The following GMNC variants were observed in gnomAD, a reference collection of about 807,000 sequenced individuals.
GMNC encodes the protein geminin coiled-coil domain-containing protein 1.
Under a neutral mutation model 33.6 loss-of-function variants are expected in GMNC, and 16 were observed. That is an observed-to-expected ratio of 0.48 (90% CI 0.32 to 0.72). The LOEUF is 0.72. Ranked by LOEUF, GMNC falls within the 30% of genes least tolerant of loss-of-function variation. The pLI, the probability that GMNC is intolerant of heterozygous loss-of-function variation, is 0.03. For synonymous variants in GMNC, 156 were observed against 147.3 expected (o/e 1.06, Z -0.43); for missense variants, 393 against 388.9 (o/e 1.01, Z -0.09).
Position 190,857,854 on chromosome 3 carries a change from G to T in GMNC, c.313C>A (p.His105Asn). 6.4e-7 allele frequency: 1 copy of T among 1,551,130 alleles called. No homozygotes were observed. Among genetic ancestry groups the T allele is most frequent in the Non-Finnish European group, 8.7e-7 (1 of 1,146,438 alleles). The change falls in exon 4 of 5, where the codon CAC becomes AAC. Residue 105 changes from histidine (H) to asparagine (N), a missense_variant. His to Asn is a moderately conservative substitution (Grantham distance 68, BLOSUM62 1). Transcript: ENST00000442080. Reference sequence around the variant, plus strand: ...TGTCTGAGGTGATTATTCTCTTCGTGTAACCTGGCGAGTTCTTCTTCCTTC... The same window carrying T: ...TGTCTGAGGTGATTATTCTCTTCGTTTAACCTGGCGAGTTCTTCTTCCTTC... ...VQKEEELARL[H>N]EENNHLRQYL...
rs113157732 is a variant in GMNC, at chr3:190,861,161, A to T, written c.4-303T>A. 2.5e-3 allele frequency among the ~76,000 whole-genome samples: 384 copies of T among 152,304 alleles called. 3 individuals are homozygous for T. The highest frequency in any genetic ancestry group is 8.3e-3 in the African/African-American group (346 of 41,560). On this transcript the variant is annotated intron_variant, in intron 1 of 4. Coordinates refer to ENST00000442080, the MANE Select transcript of GMNC (RefSeq NM_001146686.3). This position sits in a 1 kb window ranked among gnomAD's most constrained non-coding sequence, Gnocchi z 5.1. ...AGGAGGATTGTCTGTTGCAACGACCAGCCCATCTAATAGTCTACCCAGATC... is the reference window on the plus strand; with the variant it reads ...AGGAGGATTGTCTGTTGCAACGACCTGCCCATCTAATAGTCTACCCAGATC...
At chr3:190,846,455 T>C in the GMNC span, among the ~76,000 whole-genome samples, 2 of 152,208 alleles carry the variant, frequency 1.3e-5, no homozygotes, top group African/African-American at 4.8e-5. Context: ...GATTCACATA[T>C]ACATATGTGT....
rs1737703337 is a variant in GMNC at position 190,855,163 on chromosome 3, T to C, written c.*132A>G. The C allele has an allele frequency of 1.1e-6, 1 of 879,278 alleles. No individual in the cohort carries two copies. The allele number at this position is 879,278 out of a possible 1,614,324, so 54.5% of individuals were successfully genotyped here. A position where few individuals can be genotyped will look rare whatever the true frequency, so the allele number is the denominator to read the frequency against. ...TTCCCTGCAGATTTAAGTGGGTAAT[T>C]GAGAGTGACATTTAAAGTGGCAGGA... is the stretch of plus-strand genomic sequence containing the variant. On this transcript the variant is annotated 3_prime_UTR_variant, in exon 5 of 5. Transcript: ENST00000442080.
downstream of GMNC, among the ~76,000 whole-genome samples, chr3:190,848,367 G>A (rs116645637): frequency 8.7e-3 from 1,318 of 152,244 alleles, 9 homozygotes; most frequent in Non-Finnish European, 0.014. Context: ...TGAGCTTTTT[G>A]TTCTACCTCT....
chr3:190,846,166 T>A, the GMNC span, among the ~76,000 whole-genome samples: 1 of 152,036 alleles, frequency 6.6e-6, no homozygotes, highest in Non-Finnish European at 1.5e-5. Context: ...GAGGTGGAAG[T>A]TGCAGTAGCC....
At position 190,861,361 on chromosome 3, in the gene GMNC, A is replaced by G. The variant is rs1737861700; in HGVS notation, c.4-503T>C. 2.0e-5 allele frequency among the ~76,000 whole-genome samples: 3 copies of G among 152,174 alleles called. No homozygotes were observed. The South Asian group carries it at 6.2e-4, about 32-fold the overall frequency. On this transcript the variant is annotated intron_variant, in intron 1 of 4. Transcript: ENST00000442080. The surrounding 1 kb of genome is among the most constrained non-coding windows in gnomAD (Gnocchi z 5.1). ...GTCTTCATTTTTGTTTCTGAATCATACTTGCCTTATTCCTTCCTTTTTCCT... is the reference window on the plus strand; with the variant it reads ...GTCTTCATTTTTGTTTCTGAATCATGCTTGCCTTATTCCTTCCTTTTTCCT...
chr3:190,855,707 A>T lies in GMNC; in HGVS notation c.593T>A (p.Leu198His). 1 of 1,551,588 alleles carries T rather than the reference A, an allele frequency of 6.4e-7. No individual in the cohort carries two copies. The highest frequency in any genetic ancestry group is 2.4e-5 in the East Asian group (1 of 40,922). ...TGATGAGGTGTCATCGATAGTGTCA[A>T]GGTCTTTTAACCCAAGTGTTTGAAG... ...WVLQTLGLKD[L>H]DTIDDTSSAN... Residue 198 changes from leucine to histidine, a missense_variant, in exon 5 of 5, where the codon CTT becomes CAT. By Grantham distance (99) the Leu-to-His change is moderately conservative. Coordinates refer to ENST00000442080, the MANE Select transcript of GMNC (RefSeq NM_001146686.3).
At position 190,860,920 on chromosome 3, in the gene GMNC, AG is replaced by A. The variant is rs542020323; in HGVS notation, c.4-63del. 374 of 1,191,332 alleles carry A rather than the reference AG, an allele frequency of 3.1e-4. 1 individual carries two copies. The South Asian group carries it at 3.7e-3, about 12-fold the overall frequency. The allele number at this position is 1,191,332 out of a possible 1,614,324, so 73.8% of individuals were successfully genotyped here. A position where few individuals can be genotyped will look rare whatever the true frequency, so the allele number is the denominator to read the frequency against. The stretch of plus-strand genomic sequence containing the variant: ...AAAGATGGGGTGATGGAGATTTAGA[AG>A]GGGGAAAGGGTGGGAGAAATACCGA... On this transcript the variant is annotated intron_variant, in intron 1 of 4. Coordinates refer to ENST00000442080, the MANE Select transcript of GMNC (RefSeq NM_001146686.3).
At chr3:190,851,441 T>C (rs1028316024), downstream of GMNC, among the ~76,000 whole-genome samples, 3 of 152,230 alleles carry the variant, frequency 2.0e-5, no homozygotes, top group Non-Finnish European at 4.4e-5. Context: ...CTGACATTTT[T>C]TGAGCACATA....
downstream of GMNC, among the ~76,000 whole-genome samples, chr3:190,848,094 A>G (rs1370992996): frequency 6.6e-6 from 1 of 152,208 alleles, no homozygotes; most frequent in African/African-American, 2.4e-5. Flanking sequence ...AATAGTTACC[A>G]TACTGATACC....
intron 4 of GMNC, among the ~76,000 whole-genome samples, chr3:190,856,579 A>G (rs1737752618): frequency 6.7e-6 from 1 of 150,072 alleles, no homozygotes; most frequent in Non-Finnish European, 1.5e-5. Flanking sequence ...GATTACATGT[A>G]TTATCTCATT....
chr3:190,856,399 A>G (rs1182811558), intron 4 of GMNC, among the ~76,000 whole-genome samples: 1 of 138,522 alleles, frequency 7.2e-6, no homozygotes, highest in East Asian at 2.0e-4. Context: ...AAATATTTAT[A>G]TATTTATAAA....
intron 3 of GMNC, chr3:190,858,102 C>T: frequency 1.8e-6 from 1 of 558,406 alleles, no homozygotes; most frequent in Middle Eastern, 4.5e-4. Flanking sequence ...TCTGAATGTT[C>T]ATTCATTGCA....
At chr3:190,860,639 A>G in intron 2 of GMNC, 45 bp downstream of exon 2, 6 of 1,496,378 alleles carry the variant, frequency 4.0e-6, no homozygotes, top group Middle Eastern at 2.4e-4. Flanking sequence ...ACGGGTATGG[A>G]AAAGAGCTCC....
In GMNC at chr3:190,860,685, C is replaced by T. The variant is rs750015445; in HGVS notation, c.177G>A (p.Gln59=). The part of the protein sequence containing the change: ...NRELQQAPQA[Q]ESFSDSNFPL... ...GGGAAGCAGAAGAGCAGAACTTACC[C>T]TGTGCCTGTGGTGCTTGTTGGAGCT... The change falls in exon 2 of 5, where the codon CAG becomes CAA. Residue 59 remains glutamine (Q), a splice_region_variant and synonymous_variant. Coordinates refer to ENST00000442080, the MANE Select transcript of GMNC (RefSeq NM_001146686.3). The T allele has an allele frequency of 1.3e-6, 2 of 1,549,144 alleles. No individual in the cohort carries two copies. The highest frequency in any genetic ancestry group is 2.0e-5 in the Admixed American group (1 of 50,938).
At chr3:190,844,429 TTAAA>T in the GMNC span, among the ~76,000 whole-genome samples, 1 of 151,484 alleles carries the variant, frequency 6.6e-6, no homozygotes, top group Non-Finnish European at 1.5e-5. Context: ...AATTGTGTTT[TTAAA>T]TAATTTAATA....
chr3:190,859,160 T>C, intron 2 of GMNC, 144 bp from the exon 3 acceptor site: 1 of 585,394 alleles, frequency 1.7e-6, no homozygotes, highest in Non-Finnish European at 3.0e-6. Context: ...AAACAAGACA[T>C]TTAAAGTTTT....
the GMNC span, among the ~76,000 whole-genome samples, chr3:190,845,724 G>A: frequency 6.6e-6 from 1 of 151,844 alleles, no homozygotes; most frequent in African/African-American, 2.4e-5. Context: ...TGACCAGGCT[G>A]GTCTGGAACT....
rs1737684497 is a variant in GMNC at position 190,854,230 on chromosome 3, T to A, written c.*1065A>T. On this transcript the variant is annotated 3_prime_UTR_variant, in exon 5 of 5. Transcript: ENST00000442080. Reference sequence around the variant, plus strand: ...CTTCTGTATTCTACAGTTGGGAAACTGAACCTTCACAAAAGGGAAGTCGTT... The same window carrying A: ...CTTCTGTATTCTACAGTTGGGAAACAGAACCTTCACAAAAGGGAAGTCGTT... 6.6e-6 allele frequency: 1 copy of A among 152,170 alleles called. No individual in the cohort carries two copies. Among genetic ancestry groups the A allele is most frequent in the African/African-American group, 2.4e-5 (1 of 41,440 alleles). The allele number at this position is 152,170 out of a possible 1,614,324, so 9.4% of individuals were successfully genotyped here.
Sources: gnomAD v4.1 joint callset for allele counts (sites outside exome capture counted in the v4.1 genomes callset) on GRCh38, gnomAD v4.1.1 for gene constraint, Gnocchi (gnomAD v3.1) non-coding constraint, MANE v1.5 for transcripts, NCBI Gene and HGNC (gene_info 2026-07-23, HGNC 2026-07-21) for gene names.